Variants in CAMTA1 observed in about 807,000 individuals in gnomAD.
CAMTA1 encodes calmodulin-binding transcription activator 1.
Under a neutral mutation model 170.9 loss-of-function variants are expected in CAMTA1, and 27 were observed. That is an observed-to-expected ratio of 0.16 (90% confidence interval 0.12 to 0.22). The LOEUF (loss-of-function observed/expected upper bound fraction) is 0.22, where lower values mean the gene tolerates loss of function less well. Among genes scored for constraint, CAMTA1 ranks in the 10% least tolerant of loss-of-function variants. The pLI is 1.00. For synonymous variants in CAMTA1, 833 were observed against 891.5 expected (o/e 0.93, Z 1.17); for missense variants, 1,619 against 2,217.2 (o/e 0.73, Z 5.42).
chr1:7,203,930 C>T (rs1657189210), intron 4 of CAMTA1, among the ~76,000 whole-genome samples: 1 of 151,040 alleles, frequency 6.6e-6, no homozygotes, highest in Non-Finnish European at 1.5e-5. Flanking sequence ...CTCCCGGGTT[C>T]ATGCCATTCT....
intron 22 of CAMTA1, among the ~76,000 whole-genome samples, chr1:7,760,983 T>C (rs1036624724): frequency 6.6e-6 from 1 of 152,254 alleles, no homozygotes; most frequent in Non-Finnish European, 1.5e-5. Flanking sequence ...CCTACTTCAT[T>C]GATTCATAAA....
At chr1:7,461,340 C>T (rs1328587161) in intron 5 of CAMTA1, among the ~76,000 whole-genome samples, 1 of 152,198 alleles carries the variant, frequency 6.6e-6, no homozygotes, top group African/African-American at 2.4e-5. Context: ...CCAAACATCT[C>T]TGAACTGGAC....
chr1:6,902,065 ACAC>A (rs1677083871), intron 3 of CAMTA1, among the ~76,000 whole-genome samples: 6 of 111,340 alleles, frequency 5.4e-5, no homozygotes, highest in African/African-American at 1.3e-4. Context: ...ACACACACAC[ACAC>A]ACACAAAAAA....
intron 6 of CAMTA1, among the ~76,000 whole-genome samples, chr1:7,618,470 C>T (rs1345691420): frequency 6.6e-6 from 1 of 152,238 alleles, no homozygotes; most frequent in Non-Finnish European, 1.5e-5. Flanking sequence ...CGTCAGCTTT[C>T]TCCCTGGCTT....
chr1:7,116,710 C>T (rs1014003447), intron 4 of CAMTA1, among the ~76,000 whole-genome samples: 7 of 150,886 alleles, frequency 4.6e-5, no homozygotes, highest in African/African-American at 1.2e-4. Flanking sequence ...TGCAGTGGCA[C>T]GATCTCGGCT....
intron 3 of CAMTA1, among the ~76,000 whole-genome samples, chr1:7,078,074 C>T (rs759691338): frequency 3.3e-5 from 5 of 152,160 alleles, no homozygotes; most frequent in African/African-American, 7.2e-5. Context: ...CTCAAAGGGA[C>T]GTGGCTACAC....
chr1:6,984,496 C>T (rs1695033107), intron 3 of CAMTA1, among the ~76,000 whole-genome samples: 1 of 152,014 alleles, frequency 6.6e-6, no homozygotes, highest in Non-Finnish European at 1.5e-5. Flanking sequence ...GGGCTGAAAT[C>T]CCAGCTAGTC....
At chr1:7,262,231 G>A (rs1057345833) in intron 5 of CAMTA1, among the ~76,000 whole-genome samples, 7 of 152,130 alleles carry the variant, frequency 4.6e-5, no homozygotes, top group Admixed American at 4.6e-4. Flanking sequence ...TTTTGCTGCT[G>A]ACTGCTCATT....
At position 6,944,058 on chromosome 1, in the gene CAMTA1, C is replaced by T. The variant is rs116392973; in HGVS notation, c.234+118848C>T. Among the ~76,000 whole-genome samples, 413 of 152,208 alleles carry T rather than the reference C, an allele frequency of 2.7e-3. 3 individuals carry two copies. Among genetic ancestry groups the T allele is most frequent in the African/African-American group, 9.6e-3 (398 of 41,524 alleles). On this transcript the variant is annotated intron_variant, in intron 3 of 22. Transcript: ENST00000303635. ...ATCCCCCCAGCCGCTGGCACCCCTG[C>T]ATTTGAATTTTTGTCTCTGTGAGTC...
rs2096054679 is a variant in CAMTA1, at chr1:7,670,840, G to A, written c.2653-71G>A. The A allele has an allele frequency of 2.6e-6, 4 of 1,564,310 alleles. No homozygotes were observed. The South Asian group carries it at 3.4e-5, about 13-fold the overall frequency. On this transcript the variant is annotated intron_variant, in intron 9 of 22. Transcript: ENST00000303635. ...CCCCCATCTGAGCAGTGAAGCCTCA[G>A]GGGGGCTTCCCCATGCTGCCTCCCA...
intron 4 of CAMTA1, among the ~76,000 whole-genome samples, chr1:7,211,687 A>G (rs1658786988): frequency 6.6e-6 from 1 of 152,146 alleles, no homozygotes; most frequent in East Asian, 1.9e-4. Context: ...CTCAATCTCT[A>G]ATGAGCCCCG....
chr1:7,542,879 G>GTGTGTGTGTGTTTT (rs1459264062), intron 6 of CAMTA1, among the ~76,000 whole-genome samples: 1 of 138,172 alleles, frequency 7.2e-6, no homozygotes, highest in Non-Finnish European at 1.5e-5. Flanking sequence ...GTGTGTGTGT[G>GTGTGTGTGTGTTTT]TTTGAGCCGG....
intron 5 of CAMTA1, among the ~76,000 whole-genome samples, chr1:7,372,920 C>T (rs1292381617): frequency 6.6e-6 from 1 of 152,194 alleles, no homozygotes; most frequent in Non-Finnish European, 1.5e-5. Flanking sequence ...GGGGCCAGGC[C>T]CCATTGAAGT....
chr1:7,556,673 G>A (rs2094882864), intron 6 of CAMTA1, among the ~76,000 whole-genome samples: 1 of 152,130 alleles, frequency 6.6e-6, no homozygotes, highest in Non-Finnish European at 1.5e-5. Flanking sequence ...TTGCAGGTGT[G>A]GAATGCACTC....
At chr1:7,132,658 CA>C (rs1573330786) in intron 4 of CAMTA1, among the ~76,000 whole-genome samples, 1 of 151,804 alleles carries the variant, frequency 6.6e-6, no homozygotes, top group African/African-American at 2.4e-5. Flanking sequence ...CCACCCTGGG[CA>C]AAAAAATAGA....
At chr1:7,765,474 G>T (rs542862714) in intron 22 of CAMTA1, among the ~76,000 whole-genome samples, 2 of 152,312 alleles carry the variant, frequency 1.3e-5, no homozygotes, top group East Asian at 3.9e-4. Flanking sequence ...GTTTACTACA[G>T]TATGTTTGAT....
At chr1:7,439,885 C>T (rs148611632) in intron 5 of CAMTA1, among the ~76,000 whole-genome samples, 79 of 152,358 alleles carry the variant, frequency 5.2e-4, no homozygotes, top group Middle Eastern at 3.4e-3. Context: ...GCTGCATCTC[C>T]AACCTTGGCT....
chr1:7,639,007 C>G (rs544855434), intron 6 of CAMTA1, among the ~76,000 whole-genome samples: 5 of 152,162 alleles, frequency 3.3e-5, no homozygotes, highest in African/African-American at 4.8e-5. Context: ...GAGACAGAGT[C>G]TCGCTCTGTT....
At chr1:6,884,503 CCT>C (rs1445745265) in intron 3 of CAMTA1, among the ~76,000 whole-genome samples, 1 of 152,140 alleles carries the variant, frequency 6.6e-6, no homozygotes, top group Non-Finnish European at 1.5e-5. Context: ...ATCATGTGAG[CCT>C]CTCATGAAAG....
Sources: allele counts gnomAD v4.1 joint callset (sites outside exome capture counted in the v4.1 genomes callset), GRCh38; gene constraint gnomAD v4.1.1; transcripts MANE v1.5; gene names NCBI Gene and HGNC (gene_info 2026-07-23, HGNC 2026-07-21).